The following PAXBP1 variants were observed in gnomAD, a reference collection of about 807,000 sequenced individuals.
PAXBP1 encodes PAX3- and PAX7-binding protein 1.
A neutral mutation model predicts 119.9 loss-of-function variants in PAXBP1; 44 were observed. That is an observed-to-expected ratio of 0.37 (90% CI 0.29 to 0.47). The LOEUF (loss-of-function observed/expected upper bound fraction) is 0.47, where lower values mean the gene tolerates loss of function less well. PAXBP1 is among the 20% of genes least tolerant of loss of function. The pLI, the probability that PAXBP1 is intolerant of heterozygous loss-of-function variation, is 0.99. For synonymous variants in PAXBP1, 393 were observed against 406.6 expected (o/e 0.97, Z 0.40); for missense variants, 898 against 1,134.1 (o/e 0.79, Z 2.99).
At chr21:32,749,860 TA>T (rs1027305412) in intron 10 of PAXBP1, among the ~76,000 whole-genome samples, 38 of 152,114 alleles carry the variant, frequency 2.5e-4, no homozygotes, top group African/African-American at 9.2e-4. Flanking sequence ...TAAAGAACAA[TA>T]GGGGTGGGTG....
At chr21:32,763,712 G>A (rs1259355241) in intron 3 of PAXBP1, among the ~76,000 whole-genome samples, 5 of 152,182 alleles carry the variant, frequency 3.3e-5, no homozygotes, top group Non-Finnish European at 5.9e-5. Context: ...TAGGCCGGGT[G>A]CAGTGGCTCA....
At chr21:32,763,789 G>A (rs112164022) in intron 3 of PAXBP1, among the ~76,000 whole-genome samples, 2 of 151,984 alleles carry the variant, frequency 1.3e-5, no homozygotes, top group Admixed American at 6.6e-5. Context: ...AGTTCAAGAC[G>A]AGCCTGGCCA....
intron 11 of PAXBP1, among the ~76,000 whole-genome samples, chr21:32,746,068 A>G (rs778577742): frequency 2.6e-5 from 4 of 152,252 alleles, no homozygotes; most frequent in Non-Finnish European, 2.9e-5. Flanking sequence ...AGCCATATAC[A>G]GAAAATTGAA....
intron 7 of PAXBP1, chr21:32,755,869 C>G (rs759470232): frequency 5.8e-6 from 1 of 171,622 alleles, no homozygotes; most frequent in Non-Finnish European, 1.2e-5. Context: ...TCATATGTAC[C>G]AAGTACGTTA....
At position 32,769,801 on chromosome 21, in the gene PAXBP1, G is replaced by A. The variant is rs749891561; in HGVS notation, c.472+13C>T. The A allele has an allele frequency of 6.2e-7, 1 of 1,600,060 alleles. No individual in the cohort carries two copies. The highest frequency in any genetic ancestry group is 1.1e-5 in the South Asian group (1 of 87,170). ...TTGTCATTTCAAAAGAATTCAATTA[G>A]TTTGGTACTTACTTTCAGCTGATGA... On this transcript the variant is annotated intron_variant, in intron 2 of 17. Transcript: ENST00000331923.
At position 32,750,990 on chromosome 21, in the gene PAXBP1, T is replaced by G. The variant is rs780887288; in HGVS notation, c.1650A>C (p.Ala550=). 6.2e-7 allele frequency: 1 copy of G among 1,614,208 alleles called. No homozygotes were observed. The highest frequency in any genetic ancestry group is 8.5e-7 in the Non-Finnish European group (1 of 1,180,028). Reference sequence around the variant, plus strand: ...CACTGGAAAGGCCTTCAAGGTGATCTGCCATCTTACCGGTTTGTTCTCTGG... The same window carrying G: ...CACTGGAAAGGCCTTCAAGGTGATCGGCCATCTTACCGGTTTGTTCTCTGG... The part of the protein sequence containing the change: ...RQAREQTGKM[A]DHLEGLSSDD... The change falls in exon 10 of 18, where the codon GCA becomes GCC. Residue 550 remains alanine, a synonymous_variant. Coordinates refer to ENST00000331923, the MANE Select transcript of PAXBP1 (RefSeq NM_016631.4).
chr21:32,748,919 A>C (rs1473735138), intron 10 of PAXBP1, among the ~76,000 whole-genome samples: 9 of 152,232 alleles, frequency 5.9e-5, no homozygotes, highest in African/African-American at 1.9e-4. Flanking sequence ...TTGCAGTTCC[A>C]GTATATACAA....
intron 15 of PAXBP1, chr21:32,741,363 T>G (rs755512212): frequency 4.6e-5 from 23 of 497,236 alleles, no homozygotes; most frequent in Non-Finnish European, 8.4e-5. Context: ...GGCATATAAA[T>G]TTATTTGATC....
At chr21:32,755,765 T>G (rs893719814) in intron 7 of PAXBP1, 1 of 160,062 alleles carries the variant, frequency 6.2e-6, no homozygotes, top group Non-Finnish European at 1.4e-5. Context: ...ACATTATCAC[T>G]GTGTGGTACC....
intron 11 of PAXBP1, 77 bp from the exon 12 acceptor site, chr21:32,745,795 G>T: frequency 6.4e-7 from 1 of 1,554,044 alleles, no homozygotes; most frequent in Non-Finnish European, 8.8e-7. Context: ...AGAGAAACAA[G>T]AACTGGATTT....
chr21:32,762,539 A>G (rs1268399994), intron 3 of PAXBP1, among the ~76,000 whole-genome samples: 1 of 152,212 alleles, frequency 6.6e-6, no homozygotes, highest in African/African-American at 2.4e-5. Flanking sequence ...TAATGGTAAT[A>G]TATATGGGAA....
In PAXBP1 at chr21:32,737,317, T is replaced by C. The variant is rs755335296; in HGVS notation, c.2573A>G (p.His858Arg). 2 of 1,608,470 alleles carry C rather than the reference T, an allele frequency of 1.2e-6. No individual in the cohort carries two copies. Among genetic ancestry groups the C allele is most frequent in the Non-Finnish European group, 1.7e-6 (2 of 1,177,258 alleles). The change falls in exon 17 of 18, where the codon CAC becomes CGC. Residue 858 changes from histidine to arginine, a missense_variant. Around this residue, in one of 2 missense-constraint regions of PAXBP1, gnomAD observed 599 missense variants for 852.7 expected, o/e 0.70. Coordinates refer to ENST00000331923, the MANE Select transcript of PAXBP1 (RefSeq NM_016631.4). Reference protein sequence around the residue: ...QLENFCRYLVHLADTIYRNSI... With the variant: ...QLENFCRYLVRLADTIYRNSI... Reference sequence around the variant, plus strand: ...ATTTCTATAAATTGTATCCGCTAAGTGTACAAGGTATCGGCAAAAGTTTTC... The same window carrying C: ...ATTTCTATAAATTGTATCCGCTAAGCGTACAAGGTATCGGCAAAAGTTTTC...
At position 32,771,531 on chromosome 21, in the gene PAXBP1, G is replaced by A. The variant is rs951076030; in HGVS notation, c.138C>T (p.Gly46=). 2.2e-6 allele frequency: 3 copies of A among 1,348,738 alleles called. No homozygotes were observed. The highest frequency in any genetic ancestry group is 1.5e-5 in the African/African-American group (1 of 65,176). The allele number at this position is 1,348,738 out of a possible 1,614,324, so 83.5% of individuals were successfully genotyped here. A position where few individuals can be genotyped will look rare whatever the true frequency, so the allele number is the denominator to read the frequency against. The change falls in exon 1 of 18, where the codon GGC becomes GGT. Residue 46 remains glycine (G), a synonymous_variant. Transcript: ENST00000331923. ...PGTGEEAGPG[G]GDRAPGGESL... ...ACTCCCCGCCAGGGGCCCTGTCGCCGCCACCGGGGCCCGCCTCTTCGCCCG... is the reference window on the plus strand; with the variant it reads ...ACTCCCCGCCAGGGGCCCTGTCGCCACCACCGGGGCCCGCCTCTTCGCCCG...
intron 7 of PAXBP1, among the ~76,000 whole-genome samples, chr21:32,757,740 G>A (rs2044067240): frequency 6.6e-6 from 1 of 152,186 alleles, no homozygotes; most frequent in African/African-American, 2.4e-5. Context: ...ATAAAGCATA[G>A]TTTAAGAAAA....
intron 1 of PAXBP1, 23 bp downstream of exon 1, chr21:32,771,303 G>A (rs755118273): frequency 3.8e-6 from 6 of 1,563,838 alleles, no homozygotes; most frequent in East Asian, 5.0e-5. Context: ...GCCGTCTAAG[G>A]GCGTCCGAAG....
chr21:32,736,973 C>T (rs2043701500), intron 17 of PAXBP1, among the ~76,000 whole-genome samples: 1 of 152,158 alleles, frequency 6.6e-6, no homozygotes, highest in African/African-American at 2.4e-5. Context: ...TCTGAGACCT[C>T]TCTAATTCTT....
intron 10 of PAXBP1, among the ~76,000 whole-genome samples, chr21:32,749,059 T>G (rs554773289): frequency 1.3e-5 from 2 of 152,296 alleles, no homozygotes; most frequent in East Asian, 1.9e-4. Context: ...CTGCACAGAT[T>G]AACAGCTGTG....
Position 32,761,102 on chromosome 21 carries a change from C to T in PAXBP1, c.932G>A (p.Arg311Gln), listed in dbSNP as rs561696906. 8.7e-6 allele frequency: 14 copies of T among 1,614,010 alleles called. No homozygotes were observed. Among genetic ancestry groups the T allele is most frequent in the African/African-American group, 5.3e-5 (4 of 75,022 alleles). The change falls in exon 5 of 18, where the codon CGA becomes CAA. Residue 311 changes from arginine (R) to glutamine (Q), a missense_variant. Arg to Gln is a conservative substitution (Grantham distance 43, BLOSUM62 1). Transcript: ENST00000331923. ...VTGEQDEELS[R>Q]WEQEQIRKGI... is the part of the protein sequence containing the mutation. ...TTTCCTTATCTGCTCCTGTTCCCAT[C>T]GGCTGAGCTCTTCATCCTGTTCTCC...
intron 13 of PAXBP1, among the ~76,000 whole-genome samples, 176 bp downstream of exon 13, chr21:32,744,615 GA>G (rs879465630): frequency 4.2e-3 from 615 of 147,284 alleles, no homozygotes; most frequent in African/African-American, 8.1e-3. Flanking sequence ...ATAAAAAAAA[GA>G]AAAAAAAAAC....
Sources: allele counts gnomAD v4.1 joint callset (sites outside exome capture counted in the v4.1 genomes callset), GRCh38; gene constraint gnomAD v4.1.1; regional missense constraint gnomAD v4.1.1; transcripts MANE v1.5; gene names NCBI Gene and HGNC (gene_info 2026-07-23, HGNC 2026-07-21).